Variants in MYH4 observed in about 807,000 individuals in gnomAD.
MYH4 encodes myosin-4.
A neutral mutation model predicts 229.9 loss-of-function variants in MYH4; 200 were observed. The ratio of observed to expected loss-of-function variants is 0.87; its 90% CI spans 0.78 to 0.98. The LOEUF (loss-of-function observed/expected upper bound fraction) is 0.98, where lower values mean the gene tolerates loss of function less well. Among genes scored for constraint, MYH4 ranks in the 50% least tolerant of loss-of-function variants. MYH4 has a pLI of 0.00. For missense variants in MYH4, 2,148 were observed against 2,332.6 expected (o/e 0.92, Z 1.63); for synonymous variants, 761 against 834.6 (o/e 0.91, Z 1.52).
In MYH4 at chr17:10,459,351, A is replaced by G. The variant is rs1489404269; in HGVS notation, c.1487T>C (p.Met496Thr). 6 of 1,613,918 alleles carry G rather than the reference A, an allele frequency of 3.7e-6. No homozygotes were observed. Among genetic ancestry groups the G allele is most frequent in the African/African-American group, 2.7e-5 (2 of 74,892 alleles). ...EKLQQFFNHH[M>T]FVLEQEEYKK... Reference sequence around the variant, plus strand: ...GTACTCTTCCTGCTCCAGCACGAACATGTGGTGGTTGAAAAACTGTTGCAG... The same window carrying G: ...GTACTCTTCCTGCTCCAGCACGAACGTGTGGTGGTTGAAAAACTGTTGCAG... Residue 496 changes from methionine (M) to threonine (T), a missense_variant, in exon 15 of 40, where the codon ATG becomes ACG. Met to Thr is a moderately conservative substitution (Grantham distance 81). Transcript: ENST00000255381.
At chr17:10,451,598 G>C in intron 27 of MYH4, 146 bp from the exon 28 acceptor site, 2 of 885,760 alleles carry the variant, frequency 2.3e-6, no homozygotes, top group Non-Finnish European at 3.3e-6. Context: ...AGTAGTAGAG[G>C]CATTTAATTT....
In MYH4 at chr17:10,466,675, C is replaced by T. The variant is rs939415421; in HGVS notation, c.71G>A (p.Arg24Gln). 8 of 1,614,048 alleles carry T rather than the reference C, an allele frequency of 5.0e-6. 1 individual carries two copies. The Admixed American group carries it at 5.0e-5, about 10-fold the overall frequency. ...AAAAGGCTTGTTCTGAGCTTCAATT[C>T]GCTCCTTTTCAGACTTTCGGAGGAA... ...APFLRKSEKE[R>Q]IEAQNKPFDA... The change falls in exon 3 of 40, where the codon CGA becomes CAA. Residue 24 changes from arginine to glutamine, a missense_variant. Transcript: ENST00000255381.
At chr17:10,466,193 T>A (rs2072764465) in intron 4 of MYH4, 80 bp downstream of exon 4, 1 of 1,517,660 alleles carries the variant, frequency 6.6e-7, no homozygotes, top group South Asian at 1.2e-5. Flanking sequence ...TAGCCAAATG[T>A]ATTGAAACCC....
Position 10,455,218 on chromosome 17 carries a change from C to T in MYH4, c.2252G>A (p.Gly751Glu), listed in dbSNP as rs888337418. The T allele has an allele frequency of 1.9e-6, 3 of 1,613,904 alleles. No individual in the cohort carries two copies. Among genetic ancestry groups the T allele is most frequent in the South Asian group, 2.2e-5 (2 of 91,070 alleles). ...DSKKASEKLLGSIEIDHTQYK... is the reference protein window; with the variant it reads ...DSKKASEKLLESIEIDHTQYK... ...CTGGGTGTGGTCAATTTCAATAGACCCTAGAAGTTTCTCAGAAGCCTTCTT... is the reference window on the plus strand; with the variant it reads ...CTGGGTGTGGTCAATTTCAATAGACTCTAGAAGTTTCTCAGAAGCCTTCTT... Residue 751 changes from glycine (G) to glutamate (E), a missense_variant, in exon 20 of 40, where the codon GGG becomes GAG. By Grantham distance (98) the Gly-to-Glu change is moderately conservative (BLOSUM62 -2). Coordinates refer to ENST00000255381, the MANE Select transcript of MYH4 (RefSeq NM_017533.2).
rs930531658 is a variant in MYH4, at chr17:10,459,105, T to C, written c.1587+146A>G. 70 of 1,342,702 alleles carry C rather than the reference T, an allele frequency of 5.2e-5. No homozygotes were observed. The Admixed American group carries it at 1.5e-3, about 29-fold the overall frequency. The allele number at this position is 1,342,702 out of a possible 1,614,324, so 83.2% of individuals were successfully genotyped here. ...GCTCTACTTATTAATAACAGATCAC[T>C]TGGAACATACCTCACAACCAATCAG... On this transcript the variant is annotated intron_variant, in intron 15 of 39. Coordinates refer to ENST00000255381, the MANE Select transcript of MYH4 (RefSeq NM_017533.2).
intron 14 of MYH4, 95 bp from the exon 15 acceptor site, chr17:10,459,516 G>A (rs2072678040): frequency 1.3e-6 from 2 of 1,590,082 alleles, no homozygotes; most frequent in African/African-American, 1.4e-5. Context: ...AGGCATTTTG[G>A]TTTATTAAAT....
At chr17:10,461,380 C>A (rs151158273) in intron 11 of MYH4, among the ~76,000 whole-genome samples, 2 of 152,118 alleles carry the variant, frequency 1.3e-5, no homozygotes, top group Non-Finnish European at 2.9e-5. Flanking sequence ...CCCCAGCCCC[C>A]CTTTGCTTCT....
intron 39 of MYH4, among the ~76,000 whole-genome samples, chr17:10,444,103 G>T (rs1436488513): frequency 6.6e-6 from 1 of 152,082 alleles, no homozygotes; most frequent in South Asian, 2.1e-4. Context: ...AAGTAGCAGG[G>T]ATCTGAATTC....
Position 10,450,469 on chromosome 17 carries a change from C to T in MYH4, c.4165G>A (p.Glu1389Lys), listed in dbSNP as rs1427822102. The T allele has an allele frequency of 2.5e-6, 4 of 1,613,812 alleles. No homozygotes were observed. The highest frequency in any genetic ancestry group is 4.5e-5 in the East Asian group (2 of 44,896). The change falls in exon 30 of 40, where the codon GAG becomes AAG. Residue 1389 changes from glutamate to lysine, a missense_variant. Glu to Lys is a moderately conservative substitution (Grantham distance 56). Coordinates refer to ENST00000255381, the MANE Select transcript of MYH4 (RefSeq NM_017533.2). ...AGCACATACTTGGCCTCCTCCAGCT[C>T]CTCTGTGCGCTGGATGGCGTCCGTC... The part of the protein sequence containing the change: ...YETDAIQRTE[E>K]LEEAKKKLAQ...
rs141756717 is a variant in MYH4 at position 10,448,092 on chromosome 17, C to T, written c.4691G>A (p.Arg1564His). 109 of 1,613,620 alleles carry T rather than the reference C, an allele frequency of 6.8e-5. No individual in the cohort carries two copies. The East Asian group carries it at 1.5e-3, about 22-fold the overall frequency. ...SLEHEEGKIL[R>H]IQLELNQVKS... Reference sequence around the variant, plus strand: ...CACCTGATTTAGCTCAAGTTGAATGCGAAGAATTTTGCCTTCTTCATGCTC... The same window carrying T: ...CACCTGATTTAGCTCAAGTTGAATGTGAAGAATTTTGCCTTCTTCATGCTC... Residue 1564 changes from arginine to histidine, a missense_variant, in exon 34 of 40, where the codon CGC (arginine) becomes CAC (histidine). Coordinates refer to ENST00000255381, the MANE Select transcript of MYH4 (RefSeq NM_017533.2).
In MYH4 at chr17:10,466,798, C is replaced by T. The variant is rs2072773400; in HGVS notation, c.-39-14G>A. 2 of 1,597,794 alleles carry T rather than the reference C, an allele frequency of 1.3e-6. No homozygotes were observed. The highest frequency in any genetic ancestry group is 1.7e-6 in the Non-Finnish European group (2 of 1,166,450). Reference sequence around the variant, plus strand: ...GACTAGGTATACCTAGAGGAAGAAACAGAGCCAAATGATGATTCAGGGTTG... The same window carrying T: ...GACTAGGTATACCTAGAGGAAGAAATAGAGCCAAATGATGATTCAGGGTTG... On this transcript the variant is annotated splice_polypyrimidine_tract_variant and intron_variant, in intron 2 of 39. Coordinates refer to ENST00000255381, the MANE Select transcript of MYH4 (RefSeq NM_017533.2).
At chr17:10,466,468 C>T in intron 3 of MYH4, 52 bp from the exon 4 acceptor site, 1 of 1,612,042 alleles carries the variant, frequency 6.2e-7, no homozygotes, top group Non-Finnish European at 8.5e-7. Context: ...CAGAAAAAGC[C>T]AGGTCAAAAA....
intron 12 of MYH4, among the ~76,000 whole-genome samples, chr17:10,460,589 T>C (rs2072690536): frequency 1.3e-5 from 2 of 152,154 alleles, no homozygotes; most frequent in Non-Finnish European, 2.9e-5. Flanking sequence ...TAAAAATAAT[T>C]TGAGAAACCC....
chr17:10,466,716 A>G lies in MYH4; in HGVS notation c.30T>C (p.Phe10=). ...TTCGGAGGAAAGGAGCAGCCTCCCC[A>G]AAAATGGCCATCTCAGAGTCAGAAC... MSSDSEMAI[F]GEAAPFLRKS... is the part of the protein sequence containing the mutation. Residue 10 remains phenylalanine, a synonymous_variant, in exon 3 of 40, where the codon TTT becomes TTC. Transcript: ENST00000255381. 1 of 1,614,204 alleles carries G rather than the reference A, an allele frequency of 6.2e-7. No individual in the cohort carries two copies. Among genetic ancestry groups the G allele is most frequent in the Non-Finnish European group, 8.5e-7 (1 of 1,180,028 alleles).
At position 10,466,333 on chromosome 17, in the gene MYH4, G is replaced by T. The variant is rs1285526025; in HGVS notation, c.288C>A (p.His96Gln). Reference sequence around the variant, plus strand: ...TATACAGCACAGCAGGCTCATGCAGGTGAGTCATCATGGCCATGTCCTCGA... The same window carrying T: ...TATACAGCACAGCAGGCTCATGCAGTTGAGTCATCATGGCCATGTCCTCGA... Reference protein sequence around the residue: ...DKIEDMAMMTHLHEPAVLYNL... With the variant: ...DKIEDMAMMTQLHEPAVLYNL... Residue 96 changes from histidine (H) to glutamine (Q), a missense_variant, in exon 4 of 40, where the codon CAC (histidine) becomes CAA (glutamine). Physicochemically the swap from His to Gln is conservative, Grantham distance 24. Transcript: ENST00000255381. 1 of 1,614,184 alleles carries T rather than the reference G, an allele frequency of 6.2e-7. No homozygotes were observed. The highest frequency in any genetic ancestry group is 1.7e-5 in the Admixed American group (1 of 60,030).
chr17:10,444,558 C>A, intron 39 of MYH4, 46 bp downstream of exon 39: 1 of 1,501,518 alleles, frequency 6.7e-7, no homozygotes, highest in Non-Finnish European at 9.2e-7. Flanking sequence ...CCCAAAAAAC[C>A]TGGATGTGCA....
At chr17:10,459,847 G>A (rs2072681218) in intron 14 of MYH4, 105 bp downstream of exon 14, 4 of 1,590,472 alleles carry the variant, frequency 2.5e-6, no homozygotes, top group East Asian at 2.2e-5. Flanking sequence ...CCTTTCAGTA[G>A]GAATTACATT....
intron 7 of MYH4, among the ~76,000 whole-genome samples, chr17:10,463,962 A>G (rs939874892): frequency 2.0e-5 from 3 of 152,206 alleles, no homozygotes; most frequent in African/African-American, 7.2e-5. Context: ...AAATTCTGGC[A>G]TCACTTGCAA....
intron 16 of MYH4, among the ~76,000 whole-genome samples, chr17:10,456,800 T>G (rs2072644586): frequency 6.6e-6 from 1 of 152,194 alleles, no homozygotes; most frequent in Admixed American, 6.5e-5. Context: ...GGGGTAGATG[T>G]GGGTAGGGGA....
Sources: allele counts gnomAD v4.1 joint callset (sites outside exome capture counted in the v4.1 genomes callset), GRCh38; gene constraint gnomAD v4.1.1; transcripts MANE v1.5; gene names NCBI Gene and HGNC (gene_info 2026-07-23, HGNC 2026-07-21).